Variants in MET observed in about 807,000 individuals in gnomAD.
MET encodes the protein hepatocyte growth factor receptor.
In MET, 48 loss-of-function variants were observed where a neutral mutation model predicts 133.1. That is an observed-to-expected ratio of 0.36 (90% CI 0.29 to 0.46). The LOEUF (loss-of-function observed/expected upper bound fraction) is 0.46. Ranked by LOEUF, MET falls within the 20% of genes least tolerant of loss-of-function variation. The pLI is 1.00. For synonymous variants in MET, 628 were observed against 616.5 expected, an observed-to-expected ratio of 1.02 and a Z score of -0.28; for missense variants, 1,442 against 1,695.9, an observed-to-expected ratio of 0.85 and a Z score of 2.63.
At chr7:116,770,436 G>T (rs1053372287) in intron 12 of MET, among the ~76,000 whole-genome samples, 1 of 151,984 alleles carries the variant, frequency 6.6e-6, no homozygotes. Flanking sequence ...TGTAATGTTT[G>T]CCATTTTGAC....
chr7:116,767,386 G>A (rs545157033), intron 11 of MET, among the ~76,000 whole-genome samples: 29 of 152,308 alleles, frequency 1.9e-4, no homozygotes, highest in Non-Finnish European at 3.7e-4. Context: ...TGACATTGCA[G>A]TGAGAGGAAG....
intron 3 of MET, among the ~76,000 whole-genome samples, chr7:116,738,364 A>G (rs1277831483): frequency 2.0e-5 from 3 of 152,200 alleles, no homozygotes; most frequent in Non-Finnish European, 4.4e-5. Flanking sequence ...GAAGTCTAAC[A>G]TCTGATATTC....
At chr7:116,792,456 GACAC>G (rs56212730) in intron 19 of MET, among the ~76,000 whole-genome samples, 1,587 of 80,684 alleles carry the variant, frequency 0.02, 18 homozygotes, top group African/African-American at 0.042. Flanking sequence ...TCAACCGACA[GACAC>G]ACACACACAC....
chr7:116,732,934 T>C (rs981984090), intron 3 of MET, among the ~76,000 whole-genome samples: 2 of 152,212 alleles, frequency 1.3e-5, no homozygotes. Context: ...AAAACCTTCC[T>C]AGCTCAAAAC....
intron 8 of MET, among the ~76,000 whole-genome samples, chr7:116,758,189 G>A (rs184578449): frequency 5.6e-4 from 86 of 152,294 alleles, no homozygotes; most frequent in African/African-American, 1.9e-3. Flanking sequence ...GCTTCTTAGA[G>A]TTGGAAGAGC....
intron 11 of MET, 28 bp from the exon 12 acceptor site, chr7:116,769,617 C>T (rs1198446430): frequency 1.3e-6 from 2 of 1,563,434 alleles, no homozygotes; most frequent in East Asian, 2.3e-5. Context: ...GAAGTGTTAA[C>T]AACCTTTTTT....
At chr7:116,742,879 C>T (rs552374823) in intron 5 of MET, among the ~76,000 whole-genome samples, 1 of 152,344 alleles carries the variant, frequency 6.6e-6, no homozygotes, top group Admixed American at 6.5e-5. Context: ...AGATTTCATG[C>T]TGCACCAGAC....
chr7:116,675,903 A>G (rs1431068760), intron 1 of MET, among the ~76,000 whole-genome samples: 1 of 152,116 alleles, frequency 6.6e-6, no homozygotes, highest in Non-Finnish European at 1.5e-5. Flanking sequence ...TCCTTCTATC[A>G]GAAAGCCCAT....
intron 2 of MET, chr7:116,724,745 C>A: frequency 1.8e-6 from 2 of 1,102,174 alleles, no homozygotes; most frequent in African/African-American, 1.6e-5. Flanking sequence ...ATTTCGAAAT[C>A]AATTCGCTCA....
chr7:116,738,946 C>T (rs145080745), intron 3 of MET, among the ~76,000 whole-genome samples: 102 of 152,194 alleles, frequency 6.7e-4, no homozygotes, highest in African/African-American at 2.2e-3. Flanking sequence ...TCATACCCAT[C>T]GCGAGTAAAT....
intron 5 of MET, among the ~76,000 whole-genome samples, chr7:116,750,995 A>G (rs1160307326): frequency 6.6e-6 from 1 of 152,230 alleles, no homozygotes; most frequent in Non-Finnish European, 1.5e-5. Flanking sequence ...TAGTTCAACC[A>G]TTGTGGAAGA....
At chr7:116,770,494 G>A (rs780385471) in intron 12 of MET, among the ~76,000 whole-genome samples, 2 of 151,994 alleles carry the variant, frequency 1.3e-5, no homozygotes, top group Non-Finnish European at 2.9e-5. Context: ...TCACAGTGTT[G>A]TATAACCATC....
Position 116,699,349 on chromosome 7 carries a change from G to A in MET, c.265G>A (p.Val89Met), listed in dbSNP as rs1060503544. The stretch of plus-strand genomic sequence containing the variant: ...GGTTGCTGAGTACAAGACTGGGCCT[G>A]TGCTGGAACACCCAGATTGTTTCCC... The part of the protein sequence containing the change: ...QKVAEYKTGP[V>M]LEHPDCFPCQ... Residue 89 changes from valine (V) to methionine (M), a missense_variant, in exon 2 of 21, where the codon GTG becomes ATG. This residue lies in a region of MET where 762 missense variants were observed against 792.4 expected (regional missense o/e 0.96). Coordinates refer to ENST00000397752, the MANE Select transcript of MET (RefSeq NM_000245.4). The A allele has an allele frequency of 2.1e-5, 34 of 1,614,050 alleles. No individual in the cohort carries two copies. Among genetic ancestry groups the A allele is most frequent in the Non-Finnish European group, 2.9e-5 (34 of 1,179,960 alleles).
At chr7:116,772,073 ATTTATATT>A in intron 14 of MET, 84 bp downstream of exon 14, 1 of 1,501,704 alleles carries the variant, frequency 6.7e-7, no homozygotes, top group Non-Finnish European at 9.2e-7. Context: ...TTGGTTTTGC[ATTTATATT>A]TTTATAAAAA....
chr7:116,779,725 A>G (rs1795098371), intron 17 of MET, among the ~76,000 whole-genome samples: 1 of 152,196 alleles, frequency 6.6e-6, no homozygotes, highest in South Asian at 2.1e-4. Flanking sequence ...TTAGTATTAA[A>G]AAAAAAAGAA....
At position 116,797,272 on chromosome 7, in the gene MET, G is replaced by A. The variant is rs1169179300; in HGVS notation, c.*1148G>A. On this transcript the variant is annotated 3_prime_UTR_variant, in exon 21 of 21. Transcript: ENST00000397752. The stretch of plus-strand genomic sequence containing the variant: ...TAAAGCAGGATACATTTTACTAAAA[G>A]GTTCATTGGTTCCAATCACAGCTCA... 4.5e-6 allele frequency: 1 copy of A among 220,514 alleles called. No individual in the cohort carries two copies. Among genetic ancestry groups the A allele is most frequent in the East Asian group, 6.6e-5 (1 of 15,060 alleles). 13.7% of individuals were successfully genotyped at this position (220,514 alleles called of 1,614,324 possible). A position where few individuals can be genotyped will look rare whatever the true frequency, so the allele number is the denominator to read the frequency against.
At chr7:116,726,083 A>G (rs942118136) in intron 2 of MET, among the ~76,000 whole-genome samples, 5 of 110,296 alleles carry the variant, frequency 4.5e-5, no homozygotes, top group African/African-American at 6.9e-5. Flanking sequence ...TGGGACCACC[A>G]TAATATATTC....
intron 19 of MET, among the ~76,000 whole-genome samples, chr7:116,790,273 C>G (rs1403372645): frequency 1.3e-5 from 2 of 152,164 alleles, no homozygotes; most frequent in African/African-American, 4.8e-5. Flanking sequence ...AAACAATTCT[C>G]TCTCTCCCCC....
chr7:116,737,751 A>G (rs1388756033), intron 3 of MET, among the ~76,000 whole-genome samples: 7 of 152,134 alleles, frequency 4.6e-5, no homozygotes, highest in Admixed American at 1.3e-4. Flanking sequence ...ACACATATCA[A>G]TCAATCCAAG....
Sources: gnomAD v4.1 joint callset for allele counts (sites outside exome capture counted in the v4.1 genomes callset) on GRCh38, gnomAD v4.1.1 for gene constraint, gnomAD v4.1.1 regional missense constraint, MANE v1.5 for transcripts, NCBI Gene and HGNC (gene_info 2026-07-23, HGNC 2026-07-21) for gene names.